MMS22L: variants seen among roughly 807,000 people sequenced by gnomAD.
MMS22L encodes MMS22 like, DNA repair protein.
Under a neutral mutation model 159.1 loss-of-function variants are expected in MMS22L, and 74 were observed. The observed-to-expected ratio is 0.47, with a 90% CI of 0.39 to 0.56. MMS22L has a LOEUF of 0.56. Among genes scored for constraint, MMS22L ranks in the 20% least tolerant of loss-of-function variants. The probability of loss-of-function intolerance (pLI) is 0.00; values close to 1 mark genes in which losing one functional copy is unlikely to be tolerated. For synonymous variants in MMS22L, 517 were observed against 506.9 expected (o/e 1.02, Z -0.27); for missense variants, 1,351 against 1,422.1 (o/e 0.95, Z 0.80).
intron 6 of MMS22L, 68 bp downstream of exon 6, chr6:97,272,636 T>C (rs931541108): frequency 1.4e-6 from 2 of 1,382,532 alleles, no homozygotes; most frequent in Non-Finnish European, 2.0e-6. Context: ...TTTCTCTCCT[T>C]CTTGAATGAA....
intron 2 of MMS22L, among the ~76,000 whole-genome samples, chr6:97,281,675 T>A (rs1436316040): frequency 6.6e-6 from 1 of 152,214 alleles, no homozygotes; most frequent in African/African-American, 2.4e-5. Flanking sequence ...TGAGGGGACA[T>A]TTAATTTTAA....
chr6:97,199,236 T>C (rs966099481), intron 14 of MMS22L, among the ~76,000 whole-genome samples: 12 of 152,262 alleles, frequency 7.9e-5, no homozygotes, highest in Non-Finnish European at 1.6e-4. Context: ...TGAGGTCAAC[T>C]ATTCCACAGT....
chr6:97,173,871 G>C (rs1020921492), intron 18 of MMS22L, among the ~76,000 whole-genome samples: 1 of 151,944 alleles, frequency 6.6e-6, no homozygotes, highest in African/African-American at 2.4e-5. Context: ...ATAAATGAGA[G>C]AATAAATTGA....
chr6:97,270,084 G>A, intron 6 of MMS22L, 92 bp from the exon 7 acceptor site: 2 of 991,844 alleles, frequency 2.0e-6, no homozygotes, highest in South Asian at 2.9e-5. Context: ...ATAAACACAA[G>A]GATAAAGAAC....
In MMS22L at chr6:97,165,417, G is replaced by C. The variant is rs1802862603; in HGVS notation, c.3050C>G (p.Ala1017Gly). Residue 1017 changes from alanine to glycine, a missense_variant, in exon 21 of 25, where the codon GCC (alanine) becomes GGC (glycine). Coordinates refer to ENST00000683635, the MANE Select transcript of MMS22L (RefSeq NM_001350599.2). ...ATTCCCTAGCAATTGATTCAAATAG[G>C]CATTCGGATTTTGAGATTGACAACA... ...IVCCQSQNPNAYLNQLLGNVI... is the reference protein window; with the variant it reads ...IVCCQSQNPNGYLNQLLGNVI... 15 of 1,612,986 alleles carry C rather than the reference G, an allele frequency of 9.3e-6. No individual in the cohort carries two copies. The highest frequency in any genetic ancestry group is 6.7e-5 in the African/African-American group (5 of 74,954).
chr6:97,263,037 A>C (rs1369463547), intron 9 of MMS22L, among the ~76,000 whole-genome samples: 1 of 152,196 alleles, frequency 6.6e-6, no homozygotes, highest in Non-Finnish European at 1.5e-5. Flanking sequence ...CTAGGTTACT[A>C]ATGGGTAGTA....
intron 14 of MMS22L, among the ~76,000 whole-genome samples, chr6:97,224,626 C>CT (rs1387259615): frequency 6.6e-6 from 1 of 150,938 alleles, no homozygotes; most frequent in Non-Finnish European, 1.5e-5. Context: ...GCAACTACCC[C>CT]TTTTTTTGTA....
At chr6:97,198,045 A>C (rs1423451916) in intron 14 of MMS22L, among the ~76,000 whole-genome samples, 1 of 152,198 alleles carries the variant, frequency 6.6e-6, no homozygotes, top group Non-Finnish European at 1.5e-5. Flanking sequence ...TTGACCAAAG[A>C]GCACAGCAGA....
chr6:97,225,775 T>G (rs1349975144), intron 14 of MMS22L, among the ~76,000 whole-genome samples: 1 of 152,036 alleles, frequency 6.6e-6, no homozygotes, highest in African/African-American at 2.4e-5. Flanking sequence ...GGTTTCACCC[T>G]GTTAGCCAGG....
chr6:97,279,522 C>T (rs1332731690), intron 3 of MMS22L, among the ~76,000 whole-genome samples: 2 of 149,364 alleles, frequency 1.3e-5, no homozygotes, highest in African/African-American at 4.9e-5. Context: ...CAGTGGCTCC[C>T]GCCTGTAATC....
intron 10 of MMS22L, 152 bp from the exon 11 acceptor site, chr6:97,246,842 G>C: frequency 1.8e-6 from 1 of 567,238 alleles, no homozygotes; most frequent in Non-Finnish European, 3.1e-6. Flanking sequence ...CTTTGGTAAA[G>C]AGTTAACAAA....
intron 22 of MMS22L, among the ~76,000 whole-genome samples, chr6:97,157,513 G>C (rs1412139910): frequency 6.6e-6 from 1 of 152,158 alleles, no homozygotes; most frequent in Non-Finnish European, 1.5e-5. Context: ...AGTTTATTGA[G>C]AGTTGTTAGC....
chr6:97,156,664 T>C (rs1801882107), intron 22 of MMS22L, among the ~76,000 whole-genome samples: 1 of 152,214 alleles, frequency 6.6e-6, no homozygotes, highest in Non-Finnish European at 1.5e-5. Flanking sequence ...CTCTGTTCCA[T>C]TGGTCTGGAC....
intron 10 of MMS22L, chr6:97,253,771 A>AT (rs1813485777): frequency 6.6e-6 from 1 of 152,154 alleles, no homozygotes. Flanking sequence ...AGATACCTGG[A>AT]TTTTTTAAAA....
intron 14 of MMS22L, among the ~76,000 whole-genome samples, chr6:97,209,928 CT>C (rs1808198900): frequency 6.6e-6 from 1 of 151,832 alleles, no homozygotes; most frequent in African/African-American, 2.4e-5. Context: ...TTTAATCGTG[CT>C]GGCAGTGTAA....
chr6:97,151,817 C>T lies in MMS22L; in HGVS notation c.3436G>A (p.Val1146Met), dbSNP rs1331592055. 3 of 1,613,672 alleles carry T rather than the reference C, an allele frequency of 1.9e-6. 1 individual carries two copies. In the South Asian group the frequency reaches 3.3e-5, roughly 18 times the overall value. The change falls in exon 23 of 25, where the codon GTG becomes ATG. Residue 1146 changes from valine to methionine, a missense_variant. Physicochemically the swap from Val to Met is conservative, Grantham distance 21. Transcript: ENST00000683635. The part of the protein sequence containing the change: ...NLQYMVKACQ[V>M]GSEEEPSSQL... Reference sequence around the variant, plus strand: ...GAGGAAGGTTCTTCTTCTGACCCCACTTGGCAGGCTTTTACCATGTATTGC... The same window carrying T: ...GAGGAAGGTTCTTCTTCTGACCCCATTTGGCAGGCTTTTACCATGTATTGC...
At chr6:97,169,989 T>A (rs1233915644) in intron 19 of MMS22L, among the ~76,000 whole-genome samples, 1 of 152,238 alleles carries the variant, frequency 6.6e-6, no homozygotes, top group Non-Finnish European at 1.5e-5. Flanking sequence ...GGGAAGGCAG[T>A]CAGAGAGAGA....
At chr6:97,176,379 C>T (rs1256371588) in intron 18 of MMS22L, among the ~76,000 whole-genome samples, 3 of 151,988 alleles carry the variant, frequency 2.0e-5, no homozygotes, top group Non-Finnish European at 2.9e-5. Context: ...ATGTATTTCT[C>T]GGTACCTTGA....
chr6:97,151,677 C>T (rs1411525031), intron 23 of MMS22L, 94 bp downstream of exon 23: 10 of 939,832 alleles, frequency 1.1e-5, no homozygotes, highest in African/African-American at 3.3e-5. Context: ...AGTAGTAACA[C>T]ATTATGTTTT....
Sources: gnomAD v4.1 joint callset for allele counts (sites outside exome capture counted in the v4.1 genomes callset) on GRCh38, gnomAD v4.1.1 for gene constraint, MANE v1.5 for transcripts, NCBI Gene and HGNC (gene_info 2026-07-23, HGNC 2026-07-21) for gene names.